TACR1: variants seen among roughly 807,000 people sequenced by gnomAD.
TACR1 encodes tachykinin receptor 1.
Under a neutral mutation model 35.8 loss-of-function variants are expected in TACR1, and 25 were observed. The observed-to-expected ratio is 0.70, with a 90% CI of 0.51 to 0.98. The LOEUF (loss-of-function observed/expected upper bound fraction) is 0.98. Among genes scored for constraint, TACR1 ranks in the 50% least tolerant of loss-of-function variants. The pLI is 0.00. For synonymous variants in TACR1, 195 were observed against 206.7 expected (o/e 0.94, Z 0.48); for missense variants, 478 against 522.9 (o/e 0.91, Z 0.84).
At chr2:75,066,946 T>C (rs926494226) in intron 2 of TACR1, among the ~76,000 whole-genome samples, 1 of 152,244 alleles carries the variant, frequency 6.6e-6, no homozygotes, top group South Asian at 2.1e-4. Flanking sequence ...TAATAATTTC[T>C]GGACTATCTT....
chr2:75,192,764 G>A (rs1028780516), intron 1 of TACR1, among the ~76,000 whole-genome samples: 17 of 152,144 alleles, frequency 1.1e-4, no homozygotes, highest in Middle Eastern at 3.2e-3. Flanking sequence ...GTTTCTAATC[G>A]CTCTTCCAGG....
At chr2:75,083,305 A>G (rs1673126661) in intron 2 of TACR1, among the ~76,000 whole-genome samples, 1 of 152,208 alleles carries the variant, frequency 6.6e-6, no homozygotes, top group Non-Finnish European at 1.5e-5. Context: ...TGGTACCAGT[A>G]CCATGCTGTT....
chr2:75,086,693 A>G (rs1200542705), intron 2 of TACR1, among the ~76,000 whole-genome samples: 1 of 152,218 alleles, frequency 6.6e-6, no homozygotes, highest in African/African-American at 2.4e-5. Context: ...AGACACTTCA[A>G]AGGAATAATA....
At chr2:75,140,141 C>T (rs1387321015) in intron 1 of TACR1, among the ~76,000 whole-genome samples, 1 of 152,020 alleles carries the variant, frequency 6.6e-6, no homozygotes, top group Non-Finnish European at 1.5e-5. Flanking sequence ...ATCCATTAGC[C>T]TTTGGAAGTT....
At chr2:75,176,471 A>G (rs555204321) in intron 1 of TACR1, among the ~76,000 whole-genome samples, 217 of 152,204 alleles carry the variant, frequency 1.4e-3, no homozygotes, top group African/African-American at 4.9e-3. Context: ...AATCTCCTTT[A>G]AAACTCCTCT....
intron 1 of TACR1, among the ~76,000 whole-genome samples, chr2:75,168,659 G>T (rs537009811): frequency 6.6e-6 from 1 of 152,292 alleles, no homozygotes; most frequent in South Asian, 2.1e-4. Flanking sequence ...AAGACAATAC[G>T]TTTGGGTTGT....
intron 2 of TACR1, among the ~76,000 whole-genome samples, chr2:75,054,782 T>C (rs1242691678): frequency 6.6e-6 from 1 of 152,138 alleles, no homozygotes; most frequent in Non-Finnish European, 1.5e-5. Flanking sequence ...GAACAGCTAA[T>C]GTTTGGGGGC....
chr2:75,145,317 T>C (rs1330656711), intron 1 of TACR1, among the ~76,000 whole-genome samples: 2 of 152,180 alleles, frequency 1.3e-5, no homozygotes, highest in African/African-American at 4.8e-5. Context: ...GTGGTCTGTC[T>C]GTGAGTCAGA....
chr2:75,135,842 AC>A (rs1306664532), intron 1 of TACR1, among the ~76,000 whole-genome samples: 1 of 151,856 alleles, frequency 6.6e-6, no homozygotes, highest in Non-Finnish European at 1.5e-5. Flanking sequence ...TTGCAGGGGG[AC>A]CTTAAGACCT....
intron 1 of TACR1, among the ~76,000 whole-genome samples, chr2:75,197,794 T>C (rs982310209): frequency 6.6e-6 from 1 of 152,170 alleles, no homozygotes; most frequent in African/African-American, 2.4e-5. Context: ...ACATTTTACA[T>C]TGCAGGAGAA....
At chr2:75,155,816 T>C (rs1167038017) in intron 1 of TACR1, among the ~76,000 whole-genome samples, 2 of 152,228 alleles carry the variant, frequency 1.3e-5, no homozygotes, top group Non-Finnish European at 2.9e-5. Flanking sequence ...TAGAAGGTTA[T>C]TGGAGACCAT....
At chr2:75,107,668 A>C (rs911339530) in intron 2 of TACR1, among the ~76,000 whole-genome samples, 1 of 152,024 alleles carries the variant, frequency 6.6e-6, no homozygotes, top group Non-Finnish European at 1.5e-5. Flanking sequence ...AGATTGTTTA[A>C]AAAGTAAAGA....
intron 4 of TACR1, among the ~76,000 whole-genome samples, chr2:75,050,883 T>C (rs1404680718): frequency 6.6e-6 from 1 of 152,134 alleles, no homozygotes; most frequent in Admixed American, 6.5e-5. Context: ...TAGAGCAGAG[T>C]GAATAAACTC....
intron 1 of TACR1, among the ~76,000 whole-genome samples, chr2:75,191,285 G>A (rs774488486): frequency 1.3e-5 from 2 of 152,150 alleles, no homozygotes; most frequent in Non-Finnish European, 2.9e-5. Context: ...TGGAGGGCTG[G>A]GTGGAGAGTA....
intron 2 of TACR1, among the ~76,000 whole-genome samples, chr2:75,069,706 A>G (rs905790860): frequency 1.8e-4 from 28 of 152,080 alleles, no homozygotes; most frequent in African/African-American, 6.8e-4. Flanking sequence ...TATTGGTCAG[A>G]TATTTTGTGG....
At position 75,198,668 on chromosome 2, in the gene TACR1, G is replaced by T. The variant is rs1232793733; in HGVS notation, c.267C>A (p.Asn89Lys). ...ATTCGTTGTGGACAGCATAGGTGAA[G>T]TTCACCACTGTATTGAATGCAGCCA... ...ASMAAFNTVV[N>K]FTYAVHNEWY... is the part of the protein sequence containing the mutation. The change falls in exon 1 of 5, where the codon AAC becomes AAA. Residue 89 changes from asparagine (N) to lysine (K), a missense_variant. By Grantham distance (94) the Asn-to-Lys change is moderately conservative. Coordinates refer to ENST00000305249, the MANE Select transcript of TACR1 (RefSeq NM_001058.4). 6.2e-7 allele frequency: 1 copy of T among 1,614,240 alleles called. No individual in the cohort carries two copies. The highest frequency in any genetic ancestry group is 1.7e-5 in the Admixed American group (1 of 60,036).
intron 2 of TACR1, among the ~76,000 whole-genome samples, chr2:75,071,702 CAA>C (rs1672886868): frequency 6.6e-6 from 1 of 152,206 alleles, no homozygotes; most frequent in African/African-American, 2.4e-5. Context: ...AAATTAAGCA[CAA>C]ACTCCTTAGC....
intron 2 of TACR1, among the ~76,000 whole-genome samples, chr2:75,109,182 G>C (rs138481222): frequency 4.8e-4 from 73 of 152,288 alleles, no homozygotes; most frequent in African/African-American, 1.6e-3. Context: ...TCTTTGGGAT[G>C]TACAATCGGC....
chr2:75,129,608 G>T (rs1674140731), intron 1 of TACR1, among the ~76,000 whole-genome samples: 1 of 152,140 alleles, frequency 6.6e-6, no homozygotes, highest in Non-Finnish European at 1.5e-5. Flanking sequence ...TCACAACTAT[G>T]TACAATTATT....
Sources: gnomAD v4.1 joint callset for allele counts (sites outside exome capture counted in the v4.1 genomes callset) on GRCh38, gnomAD v4.1.1 for gene constraint, MANE v1.5 for transcripts, NCBI Gene and HGNC (gene_info 2026-07-23, HGNC 2026-07-21) for gene names.